LURAP1: variants seen among roughly 807,000 people sequenced by gnomAD.
LURAP1 encodes the protein NF-kappa-B activator C1orf190.
LURAP1 carries 14 observed loss-of-function variants against 19.0 expected under a neutral mutation model. The observed-to-expected ratio is 0.74, with a 90% CI of 0.49 to 1.15. The LOEUF is 1.15. LURAP1 is among the 50% of genes most tolerant of loss of function. LURAP1 has a pLI of 0.00. For missense variants in LURAP1, 273 were observed against 309.1 expected (o/e 0.88, Z 0.87); for synonymous variants, 129 against 131.8 (o/e 0.98, Z 0.14).
intron 1 of LURAP1, among the ~76,000 whole-genome samples, chr1:46,203,983 C>A (rs556189620): frequency 1.5e-4 from 23 of 152,246 alleles, no homozygotes; most frequent in Admixed American, 1.3e-3. Flanking sequence ...CCCCGCCAGT[C>A]CCCGTTGTAA....
chr1:46,207,673 G>A (rs966243708), intron 1 of LURAP1, among the ~76,000 whole-genome samples: 4 of 151,674 alleles, frequency 2.6e-5, no homozygotes, highest in Non-Finnish European at 4.4e-5. Context: ...CGAGTAGCTG[G>A]GACTACAGGC....
In LURAP1 at chr1:46,208,152, A is replaced by G. The variant is rs1205196006; in HGVS notation, c.198+4528A>G. 6.6e-5 allele frequency among the ~76,000 whole-genome samples: 10 copies of G among 151,776 alleles called. No homozygotes were observed. In the East Asian group the frequency reaches 1.9e-3, roughly 29 times the overall value. ...TGGGATTACAGGTGTGAGCCACCCC[A>G]CCAGCCTTATTTATTTTTTTAATAG... On this transcript the variant is annotated intron_variant, in intron 1 of 1. Transcript: ENST00000371980.
intron 1 of LURAP1, among the ~76,000 whole-genome samples, chr1:46,218,990 G>T (rs1358283868): frequency 6.6e-6 from 1 of 152,048 alleles, no homozygotes; most frequent in Admixed American, 6.6e-5. Context: ...GTGAATATGG[G>T]CAGGCTCAAT....
At chr1:46,209,548 T>C (rs1266830795) in intron 1 of LURAP1, among the ~76,000 whole-genome samples, 48 of 130,762 alleles carry the variant, frequency 3.7e-4, no homozygotes, top group Admixed American at 1.1e-3. Context: ...TTTTTTTTTT[T>C]CTTTTTTTTT....
chr1:46,216,752 C>T (rs1659084079), intron 1 of LURAP1, among the ~76,000 whole-genome samples: 1 of 152,144 alleles, frequency 6.6e-6, no homozygotes, highest in South Asian at 2.1e-4. Flanking sequence ...AGGAAGTGAG[C>T]ATAGTACCCA....
intron 1 of LURAP1, among the ~76,000 whole-genome samples, chr1:46,212,208 A>G (rs767902433): frequency 1.8e-4 from 28 of 152,332 alleles, no homozygotes; most frequent in Middle Eastern, 3.4e-3. Context: ...TGACCTGTAT[A>G]TGTAAATACA....
intron 1 of LURAP1, among the ~76,000 whole-genome samples, chr1:46,216,043 CTTTTTTTTTTTT>C (rs141982741): frequency 1.8e-4 from 17 of 92,540 alleles, no homozygotes; most frequent in Non-Finnish European, 2.7e-4. Context: ...TTTATTTTAT[CTTTTTTTTTTTT>C]TTTTTTTTTT....
Position 46,219,758 on chromosome 1 carries a change from C to T in LURAP1, c.258C>T (p.Gly86=), listed in dbSNP as rs1421344276. The change falls in exon 2 of 2, where the codon GGC becomes GGT. Residue 86 remains glycine, a synonymous_variant. Transcript: ENST00000371980. ...ILQQLVTLNE[G]IEAVRWLLEE... is the part of the protein sequence containing the mutation. ...AGCAGCTGGTGACCTTGAATGAGGG[C>T]ATCGAGGCAGTGCGCTGGCTGTTGG... 1 of 1,613,066 alleles carries T rather than the reference C, an allele frequency of 6.2e-7. No individual in the cohort carries two copies. Among genetic ancestry groups the T allele is most frequent in the East Asian group, 2.2e-5 (1 of 44,890 alleles).
chr1:46,219,446 T>A (rs571661228), intron 1 of LURAP1, among the ~76,000 whole-genome samples: 88 of 152,194 alleles, frequency 5.8e-4, no homozygotes, highest in Admixed American at 1.4e-3. Context: ...ACAGCTACCC[T>A]GTGAGGTAAG....
At chr1:46,207,027 G>C (rs1462127324) in intron 1 of LURAP1, among the ~76,000 whole-genome samples, 2 of 152,160 alleles carry the variant, frequency 1.3e-5, no homozygotes, top group East Asian at 3.8e-4. Flanking sequence ...GGAGGCACAG[G>C]CTGTTTCCTC....
intron 1 of LURAP1, among the ~76,000 whole-genome samples, chr1:46,207,751 G>A (rs184563798): frequency 1.2e-4 from 18 of 151,420 alleles, no homozygotes; most frequent in African/African-American, 3.6e-4. Context: ...TGTTAGCCAG[G>A]ATGGTCTCGA....
At chr1:46,205,947 G>C (rs187990015) in intron 1 of LURAP1, among the ~76,000 whole-genome samples, 3 of 152,210 alleles carry the variant, frequency 2.0e-5, no homozygotes, top group Non-Finnish European at 4.4e-5. Context: ...TTGCACAAAG[G>C]GGGAAGGCCT....
rs1368042186 is a variant in LURAP1, at chr1:46,203,640, A to G, written c.198+16A>G. The G allele has an allele frequency of 6.3e-7, 1 of 1,598,238 alleles. No individual in the cohort carries two copies. The highest frequency in any genetic ancestry group is 8.5e-7 in the Non-Finnish European group (1 of 1,174,934). On this transcript the variant is annotated intron_variant, in intron 1 of 1. Coordinates refer to ENST00000371980, the MANE Select transcript of LURAP1 (RefSeq NM_001013615.3). Reference sequence around the variant, plus strand: ...GATGGAGCTGGTGAGTGCTGAATCCATGGGCCAAGGGGACGAGTCCCTAGT... The same window carrying G: ...GATGGAGCTGGTGAGTGCTGAATCCGTGGGCCAAGGGGACGAGTCCCTAGT...
chr1:46,205,034 G>A (rs2148235766), intron 1 of LURAP1, among the ~76,000 whole-genome samples: 1 of 152,316 alleles, frequency 6.6e-6, no homozygotes, highest in South Asian at 2.1e-4. Context: ...GAGGCAGGCA[G>A]ATCGCTTGAG....
intron 1 of LURAP1, among the ~76,000 whole-genome samples, chr1:46,219,056 G>A (rs140382161): frequency 0.04 from 6,101 of 152,136 alleles, 166 homozygotes; most frequent in Middle Eastern, 0.065. Flanking sequence ...CAGCACTTTG[G>A]GAGGCTGAGG....
At chr1:46,219,265 A>G (rs1344820001) in intron 1 of LURAP1, among the ~76,000 whole-genome samples, 1 of 151,816 alleles carries the variant, frequency 6.6e-6, no homozygotes, top group East Asian at 1.9e-4. Flanking sequence ...ATTGCACTCC[A>G]TCCTGGACAA....
rs34921411 is a variant in LURAP1 at position 46,210,941 on chromosome 1, AT to A, written c.198+7335del. Among the ~76,000 whole-genome samples, 763 of 134,434 alleles carry A rather than the reference AT, an allele frequency of 5.7e-3. 2 individuals carry two copies. Among genetic ancestry groups the A allele is most frequent in the Admixed American group, 8.8e-3 (117 of 13,310 alleles). The allele number at this position is 134,434 out of a possible 152,430, so 88.2% of individuals were successfully genotyped here. A position where few individuals can be genotyped will look rare whatever the true frequency, so the allele number is the denominator to read the frequency against. On this transcript the variant is annotated intron_variant, in intron 1 of 1. Transcript: ENST00000371980. ...AGGTGTGCAATACCACACTCACCTA[AT>A]TTTTTTTTTTTTTTTTTGGTAGAGA...
chr1:46,212,956 G>A (rs1379521591), intron 1 of LURAP1, among the ~76,000 whole-genome samples: 1 of 151,554 alleles, frequency 6.6e-6, no homozygotes, highest in Non-Finnish European at 1.5e-5. Context: ...AGTAGAGACG[G>A]GGTTTCACCG....
intron 1 of LURAP1, among the ~76,000 whole-genome samples, chr1:46,209,170 A>T (rs1384957010): frequency 3.3e-5 from 5 of 152,104 alleles, no homozygotes; most frequent in Non-Finnish European, 5.9e-5. Context: ...GATTACAGGC[A>T]TGTGACACCA....
Sources: allele counts gnomAD v4.1 joint callset (sites outside exome capture counted in the v4.1 genomes callset), GRCh38; gene constraint gnomAD v4.1.1; transcripts MANE v1.5; gene names NCBI Gene and HGNC (gene_info 2026-07-23, HGNC 2026-07-21).